NLGN1: variants seen among roughly 807,000 people sequenced by gnomAD.
NLGN1 encodes the protein neuroligin 1.
In NLGN1, 12 loss-of-function variants were observed where a neutral mutation model predicts 65.5. That is an observed-to-expected ratio of 0.18 (90% CI 0.12 to 0.30). NLGN1 has a LOEUF of 0.30. Ranked by LOEUF, NLGN1 falls within the 10% of genes least tolerant of loss-of-function variation. The pLI, the probability that NLGN1 is intolerant of heterozygous loss-of-function variation, is 1.00. For synonymous variants in NLGN1, 350 were observed against 359.5 expected, an observed-to-expected ratio of 0.97 and a Z score of 0.30; for missense variants, 750 against 1,007.1, an observed-to-expected ratio of 0.74 and a Z score of 3.46.
At chr3:173,436,880 C>T (rs1159224329) in intron 2 of NLGN1, among the ~76,000 whole-genome samples, 2 of 152,228 alleles carry the variant, frequency 1.3e-5, no homozygotes, top group East Asian at 1.9e-4. Flanking sequence ...GCCTCCAGCT[C>T]TAACTGTACT....
At chr3:173,957,720 C>T (rs1439069168) in intron 4 of NLGN1, among the ~76,000 whole-genome samples, 1 of 152,146 alleles carries the variant, frequency 6.6e-6, no homozygotes, top group Non-Finnish European at 1.5e-5. Context: ...TCCTATGGTC[C>T]TGAATGTAGA....
chr3:173,698,439 G>A (rs144000783), intron 3 of NLGN1, among the ~76,000 whole-genome samples: 11 of 152,216 alleles, frequency 7.2e-5, no homozygotes, highest in East Asian at 5.8e-4. Flanking sequence ...GCTTCTGGTC[G>A]TCTGATGCAT....
chr3:173,865,014 G>A (rs35406495), intron 4 of NLGN1, among the ~76,000 whole-genome samples: 23,832 of 152,080 alleles, frequency 0.16, 2,101 homozygotes, highest in East Asian at 0.34. Context: ...TTTAAGTAGT[G>A]AAACTTTGTT....
rs1723081970 is a variant in NLGN1, at chr3:173,459,854, A to G, written c.-321+24776A>G. The stretch of plus-strand genomic sequence containing the variant: ...TTGTGTATCAAATACATATTTTTAA[A>G]GAAGAAATTATAATCAGGAGCCTTA... On this transcript the variant is annotated intron_variant, in intron 2 of 6. Transcript: ENST00000457714. Among the ~76,000 whole-genome samples, 3 of 152,062 alleles carry G rather than the reference A, an allele frequency of 2.0e-5. No homozygotes were observed. In the South Asian group the frequency reaches 6.2e-4, roughly 31 times the overall value.
intron 4 of NLGN1, among the ~76,000 whole-genome samples, chr3:173,825,404 C>A (rs1465385939): frequency 1.3e-5 from 2 of 151,796 alleles, no homozygotes; most frequent in Non-Finnish European, 2.9e-5. Flanking sequence ...AGAGAATATG[C>A]CATTTTGTTC....
chr3:173,897,728 T>C (rs1409130047), intron 4 of NLGN1, among the ~76,000 whole-genome samples: 1 of 152,190 alleles, frequency 6.6e-6, no homozygotes, highest in Non-Finnish European at 1.5e-5. Flanking sequence ...AGATATCTTA[T>C]AAGAGGAAAG....
At chr3:173,541,033 A>C (rs564006542) in intron 2 of NLGN1, among the ~76,000 whole-genome samples, 1 of 152,296 alleles carries the variant, frequency 6.6e-6, no homozygotes, top group South Asian at 2.1e-4. Context: ...ACACAAGCAC[A>C]GTGACGTGCC....
intron 3 of NLGN1, among the ~76,000 whole-genome samples, chr3:173,745,807 C>T (rs528331978): frequency 3.9e-5 from 6 of 152,136 alleles, no homozygotes; most frequent in African/African-American, 1.4e-4. Flanking sequence ...ATTTCTTTGT[C>T]TTTATTTTGA....
At chr3:173,467,005 T>A (rs1724473094) in intron 2 of NLGN1, among the ~76,000 whole-genome samples, 1 of 152,272 alleles carries the variant, frequency 6.6e-6, no homozygotes, top group African/African-American at 2.4e-5. Context: ...TAATACGTGA[T>A]CATTATATAA....
chr3:173,889,730 G>A (rs1734986924), intron 4 of NLGN1, among the ~76,000 whole-genome samples: 1 of 152,110 alleles, frequency 6.6e-6, no homozygotes, highest in African/African-American at 2.4e-5. Context: ...CCTGCCAACA[G>A]CAGTAATAAG....
chr3:173,903,842 G>A (rs1295376208), intron 4 of NLGN1, among the ~76,000 whole-genome samples: 1 of 152,168 alleles, frequency 6.6e-6, no homozygotes, highest in Non-Finnish European at 1.5e-5. Flanking sequence ...ATTTCAGGGA[G>A]CTGTAAGGAG....
At chr3:173,678,853 T>C (rs1763537180) in intron 3 of NLGN1, among the ~76,000 whole-genome samples, 1 of 152,124 alleles carries the variant, frequency 6.6e-6, no homozygotes, top group Non-Finnish European at 1.5e-5. Context: ...AAGTAAGTGA[T>C]ATAGAAATTG....
chr3:173,608,374 A>G (rs185385809), intron 3 of NLGN1, among the ~76,000 whole-genome samples: 33 of 152,010 alleles, frequency 2.2e-4, no homozygotes, highest in African/African-American at 7.7e-4. Flanking sequence ...TTAAAATGAG[A>G]TGATTTTCAA....
downstream of NLGN1, among the ~76,000 whole-genome samples, chr3:174,290,967 C>A (rs182562626): frequency 3.5e-4 from 53 of 150,150 alleles, no homozygotes; most frequent in Middle Eastern, 6.8e-3. Flanking sequence ...CAACATAAAT[C>A]AGAATTAGAA....
chr3:173,930,451 TTGAA>T, intron 4 of NLGN1, among the ~76,000 whole-genome samples: 1 of 152,232 alleles, frequency 6.6e-6, no homozygotes, highest in Admixed American at 6.5e-5. Context: ...AGTCTACACA[TTGAA>T]TGAACACTGC....
intron 4 of NLGN1, among the ~76,000 whole-genome samples, chr3:173,891,513 TC>T (rs1170576460): frequency 2.0e-5 from 3 of 152,178 alleles, no homozygotes; most frequent in Admixed American, 2.0e-4. Flanking sequence ...CTACCTCCCT[TC>T]CCTTTTTGCC....
chr3:173,398,173 C>G (rs1444167250), upstream of NLGN1: 1 of 152,236 alleles, frequency 6.6e-6, no homozygotes, highest in Non-Finnish European at 1.5e-5. Flanking sequence ...AAAACCCTTG[C>G]CTGAACCCTC....
chr3:173,659,307 TAAAG>T (rs1482406112), intron 3 of NLGN1, among the ~76,000 whole-genome samples: 1 of 151,994 alleles, frequency 6.6e-6, no homozygotes, highest in East Asian at 1.9e-4. Context: ...CAAACCATAT[TAAAG>T]AAAGGGCATT....
chr3:173,655,454 G>T (rs1447122672), intron 3 of NLGN1, among the ~76,000 whole-genome samples: 1 of 151,836 alleles, frequency 6.6e-6, no homozygotes, highest in East Asian at 1.9e-4. Flanking sequence ...TATAACAAAT[G>T]AATTTTCTAT....
Sources: gnomAD v4.1 joint callset for allele counts (sites outside exome capture counted in the v4.1 genomes callset) on GRCh38, gnomAD v4.1.1 for gene constraint, MANE v1.5 for transcripts, NCBI Gene and HGNC (gene_info 2026-07-23, HGNC 2026-07-21) for gene names.